The following TBC1D1 variants were observed in gnomAD, a reference collection of about 807,000 sequenced individuals.
TBC1D1 encodes TBC1 (tre-2/USP6, BUB2, cdc16) domain family, member 1.
A neutral mutation model predicts 125.6 loss-of-function variants in TBC1D1; 89 were observed. The ratio of observed to expected loss-of-function variants is 0.71; its 90% CI spans 0.60 to 0.85. The LOEUF (loss-of-function observed/expected upper bound fraction) is 0.85. TBC1D1 is among the 40% of genes least tolerant of loss of function. The pLI is 0.00. For missense variants in TBC1D1, 1,377 were observed against 1,469.2 expected (o/e 0.94, Z 1.03); for synonymous variants, 565 against 564.1 (o/e 1.00, Z -0.02).
At chr4:37,908,204 T>C (rs1308749722) in intron 2 of TBC1D1, among the ~76,000 whole-genome samples, 1 of 151,982 alleles carries the variant, frequency 6.6e-6, no homozygotes, top group Non-Finnish European at 1.5e-5. Context: ...TACATGGAAG[T>C]ATTTTTGGTG....
chr4:38,050,778 G>T (rs1489051214), intron 11 of TBC1D1, among the ~76,000 whole-genome samples: 1 of 152,236 alleles, frequency 6.6e-6, no homozygotes, highest in African/African-American at 2.4e-5. Context: ...TAGTACAGAA[G>T]TGTTTGGAAT....
chr4:37,966,208 T>C (rs1731025681), intron 2 of TBC1D1, among the ~76,000 whole-genome samples: 1 of 152,170 alleles, frequency 6.6e-6, no homozygotes, highest in Non-Finnish European at 1.5e-5. Context: ...CCAGCAGGTA[T>C]AGGCTAGCAG....
intron 14 of TBC1D1, among the ~76,000 whole-genome samples, chr4:38,100,504 C>T (rs1254782996): frequency 1.3e-5 from 2 of 152,234 alleles, no homozygotes; most frequent in East Asian, 3.8e-4. Flanking sequence ...AGGATGCTCT[C>T]CTCCTCCCAA....
At chr4:38,124,869 A>C in intron 17 of TBC1D1, 93 bp from the exon 20 acceptor site, 1 of 1,080,160 alleles carries the variant, frequency 9.3e-7, no homozygotes, top group African/African-American at 1.6e-5. Flanking sequence ...TGTCTCCCAC[A>C]CTCCTGCTCT....
intron 17 of TBC1D1, among the ~76,000 whole-genome samples, chr4:38,122,899 C>T (rs1275280507): frequency 6.6e-6 from 1 of 152,120 alleles, no homozygotes; most frequent in Non-Finnish European, 1.5e-5. Context: ...GACTTTAAAA[C>T]ACATAACACC....
At chr4:37,931,705 T>C (rs1364004949) in intron 2 of TBC1D1, among the ~76,000 whole-genome samples, 2 of 151,972 alleles carry the variant, frequency 1.3e-5, no homozygotes, top group East Asian at 3.9e-4. Context: ...CTTGAACTCT[T>C]GACCTCGTGA....
intron 1 of TBC1D1, 25 bp from the exon 2 acceptor site, chr4:37,901,978 T>G (rs1167412496): frequency 1.9e-6 from 2 of 1,045,614 alleles, no homozygotes; most frequent in Non-Finnish European, 2.8e-6. Flanking sequence ...CATTAAATTC[T>G]AATGCCTCTG....
In TBC1D1 at chr4:37,932,058, G is replaced by T. The variant is rs78469089; in HGVS notation, c.417+29546G>T. The stretch of plus-strand genomic sequence containing the variant: ...GAAAATCTTGAACTCATCTGTCATT[G>T]TTTTTCCCCCAGTAGCAGCTAAAGA... On this transcript the variant is annotated intron_variant, in intron 2 of 19. Transcript: ENST00000261439. 0.025 allele frequency among the ~76,000 whole-genome samples: 3,810 copies of T among 152,066 alleles called. 443 individuals are homozygous for T. The East Asian group carries it at 0.35, about 14-fold the overall frequency.
chr4:37,951,989 C>G (rs1727974199), intron 2 of TBC1D1: 1 of 717,482 alleles, frequency 1.4e-6, no homozygotes, highest in African/African-American at 1.7e-5. Context: ...ATGTATAAGC[C>G]TTTCCCTGTA....
intron 2 of TBC1D1, among the ~76,000 whole-genome samples, chr4:37,916,312 CTT>C (rs1017932899): frequency 6.6e-5 from 10 of 151,984 alleles, no homozygotes; most frequent in Non-Finnish European, 1.0e-4. Flanking sequence ...AGCTCTCTCT[CTT>C]GTTCTCTCTC....
At chr4:37,960,713 G>T in intron 2 of TBC1D1, 1 of 1,614,162 alleles carries the variant, frequency 6.2e-7, no homozygotes, top group South Asian at 1.1e-5. Flanking sequence ...CCAAAAAGAT[G>T]ACCGAGAAGA....
chr4:37,987,087 A>G (rs1239156936), intron 2 of TBC1D1, among the ~76,000 whole-genome samples: 1 of 152,198 alleles, frequency 6.6e-6, no homozygotes, highest in African/African-American at 2.4e-5. Flanking sequence ...TCTTCCCTCT[A>G]ATATGAGAGA....
At chr4:37,923,163 G>A (rs1327241365) in intron 2 of TBC1D1, among the ~76,000 whole-genome samples, 1 of 151,956 alleles carries the variant, frequency 6.6e-6, no homozygotes, top group African/African-American at 2.4e-5. Context: ...GAGTCCATGT[G>A]TTCTCACTGT....
intron 1 of TBC1D1, among the ~76,000 whole-genome samples, chr4:37,899,852 G>A (rs1715454937): frequency 6.6e-6 from 1 of 151,636 alleles, no homozygotes; most frequent in South Asian, 2.1e-4. Context: ...CGGGCGCGGT[G>A]GCTCAAGCCT....
intron 2 of TBC1D1, chr4:37,952,668 C>T (rs891454818): frequency 1.3e-5 from 2 of 153,700 alleles, no homozygotes; most frequent in African/African-American, 4.8e-5. Context: ...GGAAAAACAG[C>T]TAATACATGC....
chr4:38,028,956 A>G (rs1745617938), intron 7 of TBC1D1, among the ~76,000 whole-genome samples: 1 of 152,110 alleles, frequency 6.6e-6, no homozygotes, highest in Non-Finnish European at 1.5e-5. Flanking sequence ...CAAAAACAAA[A>G]CAAAATTCAA....
At chr4:38,100,030 C>T (rs926325347) in intron 14 of TBC1D1, among the ~76,000 whole-genome samples, 4 of 152,110 alleles carry the variant, frequency 2.6e-5, no homozygotes, top group African/African-American at 9.7e-5. Flanking sequence ...AAAAAAAGCC[C>T]CACTATAAAT....
chr4:38,072,082 A>T (rs1187247936), intron 12 of TBC1D1, among the ~76,000 whole-genome samples: 1 of 152,150 alleles, frequency 6.6e-6, no homozygotes, highest in African/African-American at 2.4e-5. Flanking sequence ...TTCCTTTGTG[A>T]GATAGGGCTA....
chr4:37,951,564 T>A (rs920828931), intron 2 of TBC1D1, among the ~76,000 whole-genome samples: 1 of 152,206 alleles, frequency 6.6e-6, no homozygotes, highest in Admixed American at 6.5e-5. Context: ...GGCTCTTTTT[T>A]ATTCTTGTGC....
Sources: gnomAD v4.1 joint callset for allele counts (sites outside exome capture counted in the v4.1 genomes callset) on GRCh38, gnomAD v4.1.1 for gene constraint, MANE v1.5 for transcripts, NCBI Gene and HGNC (gene_info 2026-07-23, HGNC 2026-07-21) for gene names.